Variants in ELAVL4 observed in about 807,000 individuals in gnomAD.
ELAVL4 encodes the protein ELAV-like protein 4.
In ELAVL4, 1 loss-of-function variant was observed where a neutral mutation model predicts 35.6. The ratio of observed to expected loss-of-function variants is 0.03; its 90% CI spans 0.01 to 0.13. The LOEUF is 0.13. Among genes scored for constraint, ELAVL4 ranks in the 10% least tolerant of loss-of-function variants. The pLI is 1.00. For missense variants in ELAVL4, 267 were observed against 464.9 expected, an observed-to-expected ratio of 0.57 and a Z score of 3.91; for synonymous variants, 156 against 171.0, an observed-to-expected ratio of 0.91 and a Z score of 0.69.
intron 1 of ELAVL4, among the ~76,000 whole-genome samples, chr1:50,060,330 C>T (rs565145530): frequency 8.5e-5 from 13 of 152,294 alleles, no homozygotes; most frequent in South Asian, 6.2e-4. Context: ...ATCAAAAGCT[C>T]GACTTCCAAC....
chr1:50,182,354 C>A (rs1253756962), intron 3 of ELAVL4, among the ~76,000 whole-genome samples: 1 of 152,194 alleles, frequency 6.6e-6, no homozygotes, highest in East Asian at 1.9e-4. Flanking sequence ...ACCCACTAAA[C>A]CTTTCAGAGT....
intron 2 of ELAVL4, among the ~76,000 whole-genome samples, chr1:50,163,955 C>T (rs1357300085): frequency 6.6e-6 from 1 of 152,162 alleles, no homozygotes; most frequent in Non-Finnish European, 1.5e-5. Flanking sequence ...AGTACACTGG[C>T]TCTAGAGTCA....
intron 1 of ELAVL4, chr1:50,144,514 G>T (rs367835575): frequency 1.9e-5 from 9 of 470,614 alleles, no homozygotes; most frequent in Non-Finnish European, 3.4e-5. Context: ...TATTTTATGA[G>T]ATAGTTAATA....
chr1:50,086,047 G>T (rs1665225236), intron 1 of ELAVL4, among the ~76,000 whole-genome samples: 3 of 152,120 alleles, frequency 2.0e-5, no homozygotes, highest in African/African-American at 2.4e-5. Context: ...TTATGTGAGT[G>T]CTTTAAGTAG....
At chr1:50,112,615 A>G (rs1237112964) in intron 1 of ELAVL4, among the ~76,000 whole-genome samples, 1 of 152,192 alleles carries the variant, frequency 6.6e-6, no homozygotes, top group East Asian at 1.9e-4. Context: ...TAAATTTTTG[A>G]AAGGGTAAAA....
chr1:50,075,333 A>G (rs1222818384), intron 1 of ELAVL4, among the ~76,000 whole-genome samples: 1 of 152,200 alleles, frequency 6.6e-6, no homozygotes, highest in Non-Finnish European at 1.5e-5. Context: ...TTTTTAAATG[A>G]AAATTTTGAA....
chr1:50,098,169 C>A (rs767277477), intron 1 of ELAVL4, among the ~76,000 whole-genome samples: 1 of 152,014 alleles, frequency 6.6e-6, no homozygotes, highest in African/African-American at 2.4e-5. Flanking sequence ...ATCCCACTGT[C>A]CATTTTATGG....
Position 50,201,149 on chromosome 1 carries a change from T to C in ELAVL4, c.1072T>C (p.Phe358Leu), listed in dbSNP as rs1271862494. 1 of 1,600,332 alleles carries C rather than the reference T, an allele frequency of 6.2e-7. No individual in the cohort carries two copies. Residue 358 changes from phenylalanine (F) to leucine (L), a missense_variant, in exon 7 of 7, where the codon TTT becomes CTT. Physicochemically the swap from Phe to Leu is conservative, Grantham distance 22. Around this residue, in one of 2 missense-constraint regions of ELAVL4, gnomAD observed 216 missense variants for 409.5 expected, o/e 0.53. Transcript: ENST00000371824. The surrounding 1 kb of genome is among the most constrained non-coding windows in gnomAD (Gnocchi z 4.3). ...GGGAGACAGAGTGTTGCAAGTTTCC[T>C]TTAAAACCAACAAAGCCCACAAGTC... ...RLGDRVLQVS[F>L]KTNKAHKS
intron 2 of ELAVL4, among the ~76,000 whole-genome samples, chr1:50,171,747 A>T (rs1399979691): frequency 5.3e-5 from 8 of 152,238 alleles, no homozygotes; most frequent in Non-Finnish European, 1.2e-4. Context: ...TGCAGTAACA[A>T]CCATTCATCT....
chr1:50,201,157 C>G lies in ELAVL4; in HGVS notation c.1080C>G (p.Thr360=), dbSNP rs746531628. Reference sequence around the variant, plus strand: ...GAGTGTTGCAAGTTTCCTTTAAAACCAACAAAGCCCACAAGTCCTGAATTT... The same window carrying G: ...GAGTGTTGCAAGTTTCCTTTAAAACGAACAAAGCCCACAAGTCCTGAATTT... The part of the protein sequence containing the change: ...GDRVLQVSFK[T]NKAHKS Residue 360 remains threonine, a synonymous_variant, in exon 7 of 7, where the codon ACC becomes ACG. Transcript: ENST00000371824. This position sits in a 1 kb window ranked among gnomAD's most constrained non-coding sequence, Gnocchi z 4.3. 6.3e-7 allele frequency: 1 copy of G among 1,593,758 alleles called. No individual in the cohort carries two copies. Among genetic ancestry groups the G allele is most frequent in the Non-Finnish European group, 8.5e-7 (1 of 1,170,184 alleles).
upstream of ELAVL4, among the ~76,000 whole-genome samples, chr1:50,103,319 A>G (rs1666087882): frequency 6.6e-6 from 1 of 152,178 alleles, no homozygotes; most frequent in Non-Finnish European, 1.5e-5. Flanking sequence ...CACAGAGAAC[A>G]TTCGACAGTG....
chr1:50,133,633 A>AAGAAAGAAAGAG (rs1671344126), intron 1 of ELAVL4, among the ~76,000 whole-genome samples: 2 of 149,444 alleles, frequency 1.3e-5, no homozygotes, highest in African/African-American at 4.9e-5. Flanking sequence ...GAAAGAAAGA[A>AAGAAAGAAAGAG]AGAAAGAAAG....
chr1:50,109,074 T>G lies in ELAVL4; in HGVS notation c.-116T>G. 8.6e-7 allele frequency: 1 copy of G among 1,165,476 alleles called. No individual in the cohort carries two copies. Among genetic ancestry groups the G allele is most frequent in the Non-Finnish European group, 1.1e-6 (1 of 936,860 alleles). 72.2% of individuals were successfully genotyped at this position (1,165,476 alleles called of 1,614,324 possible). ...CTTTACAATCATCCACACTGTGTTT[T>G]GTGGATCTTTAATTATATATAACAA... On this transcript the variant is annotated 5_prime_UTR_variant, in exon 1 of 7. Transcript: ENST00000371824.
At chr1:50,077,450 A>C (rs1167964466) in intron 1 of ELAVL4, among the ~76,000 whole-genome samples, 2 of 152,166 alleles carry the variant, frequency 1.3e-5, no homozygotes, top group Non-Finnish European at 2.9e-5. Context: ...ATTTTGTTCT[A>C]TTCAGGCCTT....
chr1:50,060,386 G>A (rs1663897735), intron 1 of ELAVL4, among the ~76,000 whole-genome samples: 1 of 152,194 alleles, frequency 6.6e-6, no homozygotes, highest in African/African-American at 2.4e-5. Flanking sequence ...TATAACAGGA[G>A]TGTCCACATT....
At chr1:50,082,260 C>T (rs1665041707) in intron 1 of ELAVL4, among the ~76,000 whole-genome samples, 1 of 152,196 alleles carries the variant, frequency 6.6e-6, no homozygotes, top group African/African-American at 2.4e-5. Context: ...GCCACACTGT[C>T]TTCCACAGTG....
intron 5 of ELAVL4, among the ~76,000 whole-genome samples, chr1:50,196,735 G>A (rs1644084588): frequency 6.6e-6 from 1 of 152,120 alleles, no homozygotes; most frequent in Non-Finnish European, 1.5e-5. Flanking sequence ...TTGCTTGAGA[G>A]CACATGCAGT....
chr1:50,146,876 G>A (rs895616203), intron 2 of ELAVL4, among the ~76,000 whole-genome samples: 4 of 152,012 alleles, frequency 2.6e-5, no homozygotes, highest in Non-Finnish European at 4.4e-5. Flanking sequence ...GAACTGTAGC[G>A]AGATTTTTGA....
At chr1:50,081,318 T>C (rs1258185017) in intron 1 of ELAVL4, among the ~76,000 whole-genome samples, 1 of 152,220 alleles carries the variant, frequency 6.6e-6, no homozygotes, top group Non-Finnish European at 1.5e-5. Context: ...GAATACAGAA[T>C]ACCCAGAGTG....
Sources: gnomAD v4.1 joint callset for allele counts (sites outside exome capture counted in the v4.1 genomes callset) on GRCh38, gnomAD v4.1.1 for gene constraint, gnomAD v4.1.1 regional missense constraint, Gnocchi (gnomAD v3.1) non-coding constraint, MANE v1.5 for transcripts, NCBI Gene and HGNC (gene_info 2026-07-23, HGNC 2026-07-21) for gene names.